The following CACNA1E variants were observed in gnomAD, a reference collection of about 807,000 sequenced individuals.
The protein encoded by CACNA1E is voltage-dependent R-type calcium channel subunit alpha-1E.
CACNA1E carries 40 observed loss-of-function variants against 259.2 expected under a neutral mutation model. That is an observed-to-expected ratio of 0.15 (90% confidence interval 0.12 to 0.20). The LOEUF is 0.20. Ranked by LOEUF, CACNA1E falls within the 10% of genes least tolerant of loss-of-function variation. The pLI is 1.00. For synonymous variants in CACNA1E, 1,104 were observed against 1,138.5 expected, an observed-to-expected ratio of 0.97 and a Z score of 0.61; for missense variants, 1,874 against 3,040.1, an observed-to-expected ratio of 0.62 and a Z score of 9.02.
intron 2 of CACNA1E, among the ~76,000 whole-genome samples, chr1:181,466,572 G>A (rs201048553): frequency 1.1e-4 from 14 of 126,570 alleles, no homozygotes; most frequent in African/African-American, 3.0e-4. Context: ...ATAAAACAAA[G>A]CAAAGCAAAG....
intron 3 of CACNA1E, among the ~76,000 whole-genome samples, chr1:181,556,909 T>G (rs1648784122): frequency 6.6e-6 from 1 of 152,074 alleles, no homozygotes; most frequent in African/African-American, 2.4e-5. Context: ...TTTCCTAGAG[T>G]TCACACAGAA....
intron 33 of CACNA1E, 83 bp downstream of exon 33, chr1:181,762,740 T>C: frequency 1.2e-6 from 1 of 802,988 alleles, no homozygotes; most frequent in Non-Finnish European, 2.1e-6. Flanking sequence ...CAGTCCATTT[T>C]TAACCCACCA....
chr1:181,773,147 T>G (rs951578114), intron 37 of CACNA1E, among the ~76,000 whole-genome samples: 1 of 152,252 alleles, frequency 6.6e-6, no homozygotes, highest in African/African-American at 2.4e-5. Flanking sequence ...AATTGTCTTA[T>G]GTCCAGGCAT....
intron 1 of CACNA1E, among the ~76,000 whole-genome samples, chr1:181,378,317 C>G (rs1212038265): frequency 6.6e-6 from 1 of 152,152 alleles, no homozygotes; most frequent in African/African-American, 2.4e-5. Flanking sequence ...TCTTGAACAT[C>G]AGGCAAAAAA....
At chr1:181,790,419 C>T in intron 43 of CACNA1E, 26 bp from the exon 44 acceptor site, 1 of 1,450,142 alleles carries the variant, frequency 6.9e-7, no homozygotes, top group South Asian at 1.1e-5. Flanking sequence ...TCCCTCATTA[C>T]CTCTGGATTT....
chr1:181,464,222 T>C lies in CACNA1E; in HGVS notation c.435-19522T>C, dbSNP rs555571151. 2.2e-3 allele frequency among the ~76,000 whole-genome samples: 337 copies of C among 152,320 alleles called. 2 individuals are homozygous for C. The highest frequency in any genetic ancestry group is 7.7e-3 in the African/African-American group (321 of 41,588). ...GGCTATTGGCTCTTTATTCATCATA[T>C]GATTTTTAGGATCACCTTGTCACAT... On this transcript the variant is annotated intron_variant, in intron 2 of 11. Transcript: ENST00000524607.
chr1:181,747,604 C>A (rs2102640016), intron 25 of CACNA1E, among the ~76,000 whole-genome samples: 1 of 152,162 alleles, frequency 6.6e-6, no homozygotes. Context: ...ACATTAGAGT[C>A]AATTTTTGAA....
chr1:181,678,491 T>G (rs1649599631), intron 7 of CACNA1E, among the ~76,000 whole-genome samples: 1 of 152,178 alleles, frequency 6.6e-6, no homozygotes. Flanking sequence ...TGTTAGAACT[T>G]TTCTTATTGT....
chr1:181,584,660 C>T (rs1651877730), intron 6 of CACNA1E, among the ~76,000 whole-genome samples: 1 of 152,222 alleles, frequency 6.6e-6, no homozygotes, highest in African/African-American at 2.4e-5. Flanking sequence ...TGATGAAAAA[C>T]TACCATTCTC....
intron 7 of CACNA1E, among the ~76,000 whole-genome samples, chr1:181,666,069 T>G (rs193300992): frequency 1.1e-4 from 16 of 152,256 alleles, no homozygotes; most frequent in African/African-American, 3.8e-4. Flanking sequence ...TGGGCCTAAT[T>G]GCTCATCAAG....
At chr1:181,389,417 C>A (rs1231939661) in intron 1 of CACNA1E, among the ~76,000 whole-genome samples, 1 of 152,192 alleles carries the variant, frequency 6.6e-6, no homozygotes, top group African/African-American at 2.4e-5. Context: ...TTTTCACACC[C>A]TGCATAGGTC....
intron 2 of CACNA1E, among the ~76,000 whole-genome samples, chr1:181,461,907 T>G (rs193045805): frequency 1.3e-5 from 2 of 152,160 alleles, no homozygotes; most frequent in African/African-American, 4.8e-5. Flanking sequence ...AATATCCTTC[T>G]AGGCTTTTTT....
intron 3 of CACNA1E, among the ~76,000 whole-genome samples, chr1:181,537,336 C>A (rs1449462535): frequency 6.6e-6 from 1 of 151,794 alleles, no homozygotes; most frequent in Non-Finnish European, 1.5e-5. Context: ...TAACCTCAGG[C>A]GATCCACCCA....
chr1:181,586,734 C>T (rs1373943022), intron 6 of CACNA1E, among the ~76,000 whole-genome samples: 1 of 152,204 alleles, frequency 6.6e-6, no homozygotes, highest in African/African-American at 2.4e-5. Flanking sequence ...AATTCACATT[C>T]ATATTTACTC....
At position 181,739,270 on chromosome 1, in the gene CACNA1E, A is replaced by G. The variant is rs1302581029; in HGVS notation, c.3719+17A>G. ...TGCTCTGGCGTAAGTGACTCTTTTCATATTTGATTCCCTTCCTTCCCCTCT... is the reference window on the plus strand; with the variant it reads ...TGCTCTGGCGTAAGTGACTCTTTTCGTATTTGATTCCCTTCCTTCCCCTCT... On this transcript the variant is annotated intron_variant, in intron 25 of 47. Transcript: ENST00000367573. 1 of 1,497,106 alleles carries G rather than the reference A, an allele frequency of 6.7e-7. No homozygotes were observed. The highest frequency in any genetic ancestry group is 1.4e-5 in the African/African-American group (1 of 72,490). The allele number at this position is 1,497,106 out of a possible 1,614,324, so 92.7% of individuals were successfully genotyped here.
intron 35 of CACNA1E, among the ~76,000 whole-genome samples, chr1:181,768,395 A>G (rs1461902605): frequency 6.6e-6 from 1 of 152,170 alleles, no homozygotes; most frequent in Non-Finnish European, 1.5e-5. Flanking sequence ...GTAATGTGAA[A>G]ACGTTTATAG....
intron 1 of CACNA1E, among the ~76,000 whole-genome samples, chr1:181,326,437 G>A (rs1202547604): frequency 6.6e-6 from 1 of 152,182 alleles, no homozygotes; most frequent in African/African-American, 2.4e-5. Flanking sequence ...GAACAGCCCT[G>A]AGAAGGAGGC....
chr1:181,460,173 A>AT (rs1661711432), intron 2 of CACNA1E, among the ~76,000 whole-genome samples: 1 of 152,174 alleles, frequency 6.6e-6, no homozygotes, highest in Non-Finnish European at 1.5e-5. Context: ...CATTTTGAGA[A>AT]TTAGGGGAGG....
chr1:181,537,174 A>G (rs1449530455), intron 3 of CACNA1E, among the ~76,000 whole-genome samples: 1 of 135,974 alleles, frequency 7.4e-6, no homozygotes, highest in East Asian at 2.1e-4. Context: ...ATCTCGGCTC[A>G]CTGCACCCTC....
Sources: gnomAD v4.1 joint callset for allele counts (sites outside exome capture counted in the v4.1 genomes callset) on GRCh38, gnomAD v4.1.1 for gene constraint, MANE v1.5 for transcripts, NCBI Gene and HGNC (gene_info 2026-07-23, HGNC 2026-07-21) for gene names.